The following LTBP1 variants were observed in gnomAD, a reference collection of about 807,000 sequenced individuals.
The protein encoded by LTBP1 is latent transforming growth factor beta binding protein 1, also known as latent-transforming growth factor beta-binding protein 1.
In LTBP1, 129 loss-of-function variants were observed where a neutral mutation model predicts 207.6. That is an observed-to-expected ratio of 0.62 (90% CI 0.54 to 0.72). The LOEUF is 0.72. LTBP1 is among the 30% of genes least tolerant of loss of function. The probability of loss-of-function intolerance (pLI) is 0.00; values close to 1 mark genes in which losing one functional copy is unlikely to be tolerated. For missense variants in LTBP1, 2,281 were observed against 2,217.2 expected (o/e 1.03, Z -0.58); for synonymous variants, 963 against 833.7 (o/e 1.16, Z -2.67).
At position 33,134,778 on chromosome 2, in the gene LTBP1, T is replaced by G. The variant is rs2082016614; in HGVS notation, c.1034-15T>G. The G allele has an allele frequency of 6.2e-7, 1 of 1,614,074 alleles. No individual in the cohort carries two copies. The highest frequency in any genetic ancestry group is 8.5e-7 in the Non-Finnish European group (1 of 1,180,036). ...ATGTGTTTGTTGTTCTTTTTCTCCC[T>G]GCCTCCGCTCCTAGTGAGTAACCAC... is the stretch of plus-strand genomic sequence containing the variant. On this transcript the variant is annotated splice_polypyrimidine_tract_variant and intron_variant, in intron 4 of 33. Transcript: ENST00000404816. The surrounding 1 kb of genome is among the most constrained non-coding windows in gnomAD (Gnocchi z 4.4).
chr2:33,293,519 G>C (rs571767275), intron 20 of LTBP1, among the ~76,000 whole-genome samples: 2 of 151,988 alleles, frequency 1.3e-5, no homozygotes, highest in Non-Finnish European at 2.9e-5. Context: ...GCCACAGATC[G>C]GTTCATCTAA....
intron 22 of LTBP1, 54 bp from the exon 23 acceptor site, chr2:33,309,380 A>G: frequency 7.5e-7 from 1 of 1,333,874 alleles, no homozygotes; most frequent in South Asian, 1.3e-5. Context: ...GAAATGTCTA[A>G]TTTTCCGATA....
At chr2:33,322,649 A>G (rs2094372725) in intron 24 of LTBP1, among the ~76,000 whole-genome samples, 1 of 152,208 alleles carries the variant, frequency 6.6e-6, no homozygotes. Context: ...TTCTCATTTA[A>G]TCTTCACAAT....
chr2:33,222,116 C>T lies in LTBP1; in HGVS notation c.1841C>T (p.Pro614Leu), dbSNP rs780777628. The T allele has an allele frequency of 6.2e-6, 10 of 1,612,644 alleles. No individual in the cohort carries two copies. The highest frequency in any genetic ancestry group is 1.6e-4 in the Middle Eastern group (1 of 6,082). The change falls in exon 9 of 34, where the codon CCG becomes CTG. Residue 614 changes from proline (P) to leucine (L), a missense_variant. Physicochemically the swap from Pro to Leu is moderately conservative, Grantham distance 98. Coordinates refer to ENST00000404816, the MANE Select transcript of LTBP1 (RefSeq NM_206943.4). Reference protein sequence around the residue: ...HGYNQMMECLPGYKRVNNTFC... With the variant: ...HGYNQMMECLLGYKRVNNTFC... Reference sequence around the variant, plus strand: ...TACAACCAAATGATGGAATGCCTACCGGGTTATAAGCGGGTTAACAACACC... The same window carrying T: ...TACAACCAAATGATGGAATGCCTACTGGGTTATAAGCGGGTTAACAACACC...
chr2:33,218,805 C>T (rs2090900338), intron 8 of LTBP1, among the ~76,000 whole-genome samples: 1 of 152,156 alleles, frequency 6.6e-6, no homozygotes, highest in African/African-American at 2.4e-5. Flanking sequence ...AGTCATCTTT[C>T]TTTGCCTCAT....
At chr2:33,148,964 C>T (rs1458198874) in intron 5 of LTBP1, among the ~76,000 whole-genome samples, 3 of 151,996 alleles carry the variant, frequency 2.0e-5, no homozygotes, top group African/African-American at 7.3e-5. Context: ...CCTGTAATCC[C>T]AGCACTTTGG....
At chr2:33,199,342 G>A (rs1182405437) in intron 7 of LTBP1, among the ~76,000 whole-genome samples, 3 of 152,134 alleles carry the variant, frequency 2.0e-5, no homozygotes, top group Non-Finnish European at 2.9e-5. Context: ...TTTGGACTAG[G>A]TGTGGTGTGG....
chr2:33,001,408 G>A (rs1236044006), intron 2 of LTBP1, among the ~76,000 whole-genome samples: 1 of 134,860 alleles, frequency 7.4e-6, no homozygotes, highest in Non-Finnish European at 1.6e-5. Flanking sequence ...TGCATTTCTC[G>A]AAAGATTCCA....
At chr2:33,301,849 C>G (rs981266855) in intron 22 of LTBP1, among the ~76,000 whole-genome samples, 1 of 152,140 alleles carries the variant, frequency 6.6e-6, no homozygotes, top group Non-Finnish European at 1.5e-5. Flanking sequence ...TTGGAGCTGT[C>G]TTTTAGACTT....
At chr2:32,993,902 A>G (rs1558487120) in intron 2 of LTBP1, among the ~76,000 whole-genome samples, 1 of 151,758 alleles carries the variant, frequency 6.6e-6, no homozygotes, top group Non-Finnish European at 1.5e-5. Context: ...TTACCTGTTT[A>G]TCCCAGGCCG....
At chr2:33,240,138 A>C (rs563669177) in intron 9 of LTBP1, among the ~76,000 whole-genome samples, 118 of 152,180 alleles carry the variant, frequency 7.8e-4, no homozygotes, top group Non-Finnish European at 1.5e-3. Flanking sequence ...GAATAGAATT[A>C]CGGTTTACCA....
At chr2:33,221,926 A>G (rs1467626544) in intron 8 of LTBP1, among the ~76,000 whole-genome samples, 154 bp from the exon 9 acceptor site, 1 of 152,140 alleles carries the variant, frequency 6.6e-6, no homozygotes, top group African/African-American at 2.4e-5. Context: ...GCAGAATGGG[A>G]AAAAAATTAT....
At chr2:33,049,598 GTTAATAAAGGAAAAC>G (rs2076622843) in intron 3 of LTBP1, among the ~76,000 whole-genome samples, 1 of 152,076 alleles carries the variant, frequency 6.6e-6, no homozygotes. Flanking sequence ...GATAAAAAGG[GTTAATAAAGGAAAAC>G]TACTTAAAAA....
intron 24 of LTBP1, among the ~76,000 whole-genome samples, chr2:33,321,404 G>A (rs1199254809): frequency 6.6e-6 from 1 of 152,140 alleles, no homozygotes; most frequent in Non-Finnish European, 1.5e-5. Flanking sequence ...ACCGAGAGAA[G>A]GTGGATTCAA....
At chr2:33,301,753 G>C in intron 22 of LTBP1, 109 bp downstream of exon 22, 1 of 1,007,038 alleles carries the variant, frequency 9.9e-7, no homozygotes, top group Admixed American at 3.3e-5. Flanking sequence ...TCATAGTGAA[G>C]ACATTAGGTC....
intron 2 of LTBP1, among the ~76,000 whole-genome samples, chr2:33,002,410 T>C (rs908962859): frequency 1.3e-5 from 2 of 152,186 alleles, no homozygotes; most frequent in African/African-American, 4.8e-5. Context: ...CTTTTCTGTG[T>C]GTGAGGCTGG....
chr2:33,170,891 A>T (rs2085375079), intron 5 of LTBP1, among the ~76,000 whole-genome samples: 1 of 152,184 alleles, frequency 6.6e-6, no homozygotes, highest in Non-Finnish European at 1.5e-5. Flanking sequence ...GCTGGTACCC[A>T]GGCAAACAGG....
chr2:33,084,852 G>C lies in LTBP1; in HGVS notation c.864-25730G>C, dbSNP rs1362387558. Among the ~76,000 whole-genome samples the C allele has an allele frequency of 2.0e-5, 3 of 152,142 alleles. No individual in the cohort carries two copies. In the East Asian group the frequency reaches 5.8e-4, roughly 29 times the overall value. On this transcript the variant is annotated intron_variant, in intron 3 of 33. Transcript: ENST00000404816. ...CACCATGATCCAGTTTGTTTCACCA[G>C]GTTTCTGTGAGAAACAGCTGGATGT...
At chr2:33,009,802 T>TA (rs1456562709) in intron 2 of LTBP1, among the ~76,000 whole-genome samples, 1 of 152,098 alleles carries the variant, frequency 6.6e-6, no homozygotes, top group Non-Finnish European at 1.5e-5. Context: ...GAGCAGGTCT[T>TA]AGAGTTTGGG....
Sources: allele counts gnomAD v4.1 joint callset (sites outside exome capture counted in the v4.1 genomes callset), GRCh38; gene constraint gnomAD v4.1.1; non-coding constraint Gnocchi (gnomAD v3.1); transcripts MANE v1.5; gene names NCBI Gene and HGNC (gene_info 2026-07-23, HGNC 2026-07-21).